Variants in IQSEC1 observed in about 807,000 individuals in gnomAD.
IQSEC1 encodes the protein IQ motif and SEC7 domain-containing protein 1.
A neutral mutation model predicts 91.0 loss-of-function variants in IQSEC1; 31 were observed. The observed-to-expected ratio is 0.34, with a 90% confidence interval of 0.26 to 0.46. The LOEUF is 0.46. Ranked by LOEUF, IQSEC1 falls within the 20% of genes least tolerant of loss-of-function variation. The probability of loss-of-function intolerance (pLI) is 1.00; values close to 1 mark genes in which losing one functional copy is unlikely to be tolerated. For missense variants in IQSEC1, 1,388 were observed against 1,575.6 expected, an observed-to-expected ratio of 0.88 and a Z score of 2.02; for synonymous variants, 699 against 662.6, an observed-to-expected ratio of 1.05 and a Z score of -0.84.
Position 12,947,011 on chromosome 3 carries a change from C to T in IQSEC1, c.24-5146G>A, listed in dbSNP as rs188376768. On this transcript the variant is annotated intron_variant, in intron 1 of 13. Coordinates refer to ENST00000613206, the MANE Select transcript of IQSEC1 (RefSeq NM_001134382.3). ...CAGCACTCCATACAACTGATCCCAG[C>T]TAGCATGTGAGATGGACTCTATTTG... Among the ~76,000 whole-genome samples, 193 of 152,344 alleles carry T rather than the reference C, an allele frequency of 1.3e-3. 1 individual carries two copies. The highest frequency in any genetic ancestry group is 4.5e-3 in the African/African-American group (188 of 41,570).
chr3:13,056,424 T>C (rs1228042417), intron 1 of IQSEC1, among the ~76,000 whole-genome samples: 1 of 152,058 alleles, frequency 6.6e-6, no homozygotes, highest in African/African-American at 2.4e-5. Context: ...GTTTTCAGCC[T>C]CCCCTCCTTC....
At chr3:13,089,709 G>A (rs12487324) in intron 2 of IQSEC1, among the ~76,000 whole-genome samples, 50,719 of 152,190 alleles carry the variant, frequency 0.33, 8,706 homozygotes, top group Middle Eastern at 0.56. Flanking sequence ...TTCGAATGGT[G>A]TGAAATGTCC....
rs138916917 is a variant in IQSEC1 at position 13,016,975 on chromosome 3, C to T, written c.23+56017G>A. On this transcript the variant is annotated intron_variant, in intron 1 of 13. Coordinates refer to ENST00000613206, the MANE Select transcript of IQSEC1 (RefSeq NM_001134382.3). The stretch of plus-strand genomic sequence containing the variant: ...GACATTTCCTAGAAACGGGACCATA[C>T]GCTCTGTGGTCTTCCGTCTGGCTTC... 1.5e-3 allele frequency among the ~76,000 whole-genome samples: 232 copies of T among 152,330 alleles called. 1 individual carries two copies. The highest frequency in any genetic ancestry group is 1.3e-3 in the Non-Finnish European group (87 of 68,020).
intron 2 of IQSEC1, among the ~76,000 whole-genome samples, chr3:13,153,585 G>C (rs554893189): frequency 6.6e-6 from 1 of 152,202 alleles, no homozygotes; most frequent in East Asian, 1.9e-4. Context: ...GGCTTTCTTC[G>C]ACCTAAGATG....
In IQSEC1 at chr3:13,211,042, CCTTGTATGCTGTTCCCTGATGCATCCTCT is replaced by C. The variant is rs2125063040; in HGVS notation, c.273-46938_273-46910del. ...ACAAGAGTCTGCTAGAAGGTAGAGACCTTGTATGCTGTTCCCTGATGCATCCTCTGGCTAGCAGTGCCTGACACACAGTA... is the reference window on the plus strand; with the variant it reads ...ACAAGAGTCTGCTAGAAGGTAGAGACGGCTAGCAGTGCCTGACACACAGTA... On this transcript the variant is annotated intron_variant, in intron 1 of 15. Transcript: ENST00000648114. The surrounding 1 kb of genome is among the most constrained non-coding windows in gnomAD (Gnocchi z 5.3). Among the ~76,000 whole-genome samples, 1 of 152,322 alleles carries C rather than the reference CCTTGTATGCTGTTCCCTGATGCATCCTCT, an allele frequency of 6.6e-6. No individual in the cohort carries two copies. The highest frequency in any genetic ancestry group is 1.9e-4 in the East Asian group (1 of 5,180).
intron 1 of IQSEC1, among the ~76,000 whole-genome samples, chr3:13,000,538 C>T (rs967427883): frequency 3.9e-5 from 6 of 152,222 alleles, no homozygotes; most frequent in African/African-American, 1.4e-4. Context: ...GTTCTGTCCA[C>T]CTGCCCAGAA....
intron 1 of IQSEC1, among the ~76,000 whole-genome samples, chr3:12,987,523 C>A (rs1352306838): frequency 6.6e-6 from 1 of 152,194 alleles, no homozygotes; most frequent in Non-Finnish European, 1.5e-5. Context: ...TAACGAGAAT[C>A]TTCATGATTA....
intron 1 of IQSEC1, among the ~76,000 whole-genome samples, chr3:13,191,262 C>T (rs893143643): frequency 1.2e-4 from 18 of 152,176 alleles, no homozygotes; most frequent in African/African-American, 1.9e-4. Flanking sequence ...GCTGTCCGCC[C>T]GATTCCTCAC....
In IQSEC1 at chr3:12,994,431, C is replaced by G. The variant is rs1702138868; in HGVS notation, c.24-52566G>C. 6.6e-6 allele frequency among the ~76,000 whole-genome samples: 1 copy of G among 151,786 alleles called. No homozygotes were observed. On this transcript the variant is annotated intron_variant, in intron 1 of 13. Coordinates refer to ENST00000613206, the MANE Select transcript of IQSEC1 (RefSeq NM_001134382.3). The surrounding 1 kb of genome is among the most constrained non-coding windows in gnomAD (Gnocchi z 4.5). ...CTGGACGAGTGGAGGGCGCTCAGGT[C>G]GGTGCAGCCGCTGCAGCGGATGGGT...
intron 1 of IQSEC1, among the ~76,000 whole-genome samples, chr3:12,942,598 G>A (rs185693196): frequency 2.7e-5 from 4 of 150,494 alleles, no homozygotes; most frequent in African/African-American, 9.9e-5. Flanking sequence ...GCAAGACTCC[G>A]TCTCTAAAAA....
intron 2 of IQSEC1, among the ~76,000 whole-genome samples, chr3:13,163,640 C>A (rs1323870461): frequency 1.3e-5 from 2 of 152,166 alleles, no homozygotes; most frequent in East Asian, 3.9e-4. Context: ...CGAGGATGGG[C>A]AGGGGCATTA....
At chr3:13,263,825 C>T (rs1695437260) in intron 1 of IQSEC1, among the ~76,000 whole-genome samples, 1 of 152,094 alleles carries the variant, frequency 6.6e-6, no homozygotes, top group Non-Finnish European at 1.5e-5. Flanking sequence ...TGGAGTGGAT[C>T]CTGGAGCGCC....
At chr3:13,067,988 TG>T (rs1705291923) in intron 1 of IQSEC1, among the ~76,000 whole-genome samples, 1 of 152,182 alleles carries the variant, frequency 6.6e-6, no homozygotes, top group Non-Finnish European at 1.5e-5. Context: ...TTGTTGAGCT[TG>T]GGGCCCAGCC....
At chr3:13,130,555 GT>G (rs1559261135) in intron 2 of IQSEC1, among the ~76,000 whole-genome samples, 1 of 152,140 alleles carries the variant, frequency 6.6e-6, no homozygotes, top group Non-Finnish European at 1.5e-5. Context: ...TAGGTAGAGT[GT>G]TAATCAGGTT....
intron 1 of IQSEC1, among the ~76,000 whole-genome samples, chr3:13,206,199 C>CTCCATCCACCCATCCACCCATCCACCCT (rs1184107396): frequency 1.3e-5 from 2 of 151,902 alleles, no homozygotes; most frequent in Non-Finnish European, 2.9e-5. Flanking sequence ...CCATCCACCC[C>CTCCATCCACCCATCCACCCATCCACCCT]TCCATCCACC....
At chr3:13,003,463 G>C (rs1399533968) in intron 1 of IQSEC1, among the ~76,000 whole-genome samples, 1 of 152,138 alleles carries the variant, frequency 6.6e-6, no homozygotes, top group Non-Finnish European at 1.5e-5. Context: ...TGGTTGTTGA[G>C]GACTTGGGAT....
intron 1 of IQSEC1, among the ~76,000 whole-genome samples, chr3:13,012,632 T>C (rs1559718489): frequency 6.6e-6 from 1 of 152,224 alleles, no homozygotes; most frequent in Admixed American, 6.5e-5. Context: ...ACTTGCTACA[T>C]GCCGGGCACA....
intron 9 of IQSEC1, among the ~76,000 whole-genome samples, chr3:12,913,012 G>A (rs1255646509): frequency 1.3e-5 from 2 of 152,252 alleles, no homozygotes; most frequent in Non-Finnish European, 2.9e-5. Flanking sequence ...AGCGACAAGC[G>A]CTAACTCTGC....
chr3:13,078,900 C>T (rs1333093892), intron 2 of IQSEC1, among the ~76,000 whole-genome samples: 1 of 152,226 alleles, frequency 6.6e-6, no homozygotes, highest in Non-Finnish European at 1.5e-5. Flanking sequence ...TCATATTGGC[C>T]TAATATGTTT....
Sources: allele counts gnomAD v4.1 joint callset (sites outside exome capture counted in the v4.1 genomes callset), GRCh38; gene constraint gnomAD v4.1.1; non-coding constraint Gnocchi (gnomAD v3.1); transcripts MANE v1.5; gene names NCBI Gene and HGNC (gene_info 2026-07-23, HGNC 2026-07-21).